Variants in DNM3 observed in about 807,000 individuals in gnomAD.
DNM3 encodes dynamin 3, also known as dynamin-3.
In DNM3, 47 loss-of-function variants were observed where a neutral mutation model predicts 101.6. The ratio of observed to expected loss-of-function variants is 0.46; its 90% CI spans 0.37 to 0.59. DNM3 has a LOEUF of 0.59. Ranked by LOEUF, DNM3 falls within the 20% of genes least tolerant of loss-of-function variation. The probability of loss-of-function intolerance (pLI) is 0.00; values close to 1 mark genes in which losing one functional copy is unlikely to be tolerated. For missense variants in DNM3, 849 were observed against 1,085.7 expected (o/e 0.78, Z 3.06); for synonymous variants, 385 against 387.9 (o/e 0.99, Z 0.09).
chr1:172,156,825 A>G (rs1445467960), intron 14 of DNM3, among the ~76,000 whole-genome samples: 1 of 152,082 alleles, frequency 6.6e-6, no homozygotes, highest in Non-Finnish European at 1.5e-5. Context: ...TGCAAAAGAC[A>G]TTGTCCTTTT....
chr1:172,319,383 C>G (rs567363036), intron 16 of DNM3, among the ~76,000 whole-genome samples: 61 of 152,270 alleles, frequency 4.0e-4, no homozygotes, highest in African/African-American at 1.4e-3. Context: ...CCAAAATTGA[C>G]AAATGAGATC....
chr1:171,860,479 G>A (rs971703365), intron 1 of DNM3, among the ~76,000 whole-genome samples: 1 of 152,062 alleles, frequency 6.6e-6, no homozygotes, highest in Non-Finnish European at 1.5e-5. Context: ...ATTATAAGTT[G>A]GAGAAATTGG....
rs200943471 is a variant in DNM3, at chr1:172,387,121, G to A, written c.2059-12G>A. ...TTATTCCCATTTTTATTTCTCTGTG[G>A]TGATCTGACAGGTTAAAGATTTCAT... On this transcript the variant is annotated splice_polypyrimidine_tract_variant and intron_variant, in intron 18 of 20. Coordinates refer to ENST00000627582, the MANE Select transcript of DNM3 (RefSeq NM_015569.5). The A allele has an allele frequency of 1.2e-5, 20 of 1,602,758 alleles. No individual in the cohort carries two copies. Among genetic ancestry groups the A allele is most frequent in the Admixed American group, 1.7e-5 (1 of 59,982 alleles).
intron 2 of DNM3, among the ~76,000 whole-genome samples, chr1:171,923,357 G>A (rs2040326986): frequency 6.6e-6 from 1 of 151,720 alleles, no homozygotes; most frequent in South Asian, 2.1e-4. Context: ...TTTTAAATTT[G>A]GTTATTTGCC....
chr1:171,894,996 C>G (rs1378772410), intron 1 of DNM3, among the ~76,000 whole-genome samples: 2 of 152,170 alleles, frequency 1.3e-5, no homozygotes. Flanking sequence ...CATAGTATTC[C>G]ATCGTGTATA....
At chr1:171,936,363 G>GAAAGAAAA (rs2041424272) in intron 2 of DNM3, among the ~76,000 whole-genome samples, 1 of 151,760 alleles carries the variant, frequency 6.6e-6, no homozygotes, top group Non-Finnish European at 1.5e-5. Context: ...AAAAAGAAAA[G>GAAAGAAAA]AAAGAAAGAA....
intron 2 of DNM3, among the ~76,000 whole-genome samples, chr1:171,964,328 C>T (rs1319882432): frequency 1.3e-5 from 2 of 152,098 alleles, no homozygotes; most frequent in Non-Finnish European, 2.9e-5. Context: ...TAATAAGAAC[C>T]TCGGCCTCTA....
chr1:171,906,127 A>AT (rs767499060), intron 1 of DNM3, among the ~76,000 whole-genome samples: 4,782 of 131,394 alleles, frequency 0.036, 149 homozygotes, highest in African/African-American at 0.079. Flanking sequence ...GTTCAATTGC[A>AT]TTTTTTTTTT....
At chr1:171,881,886 G>A (rs955230044) in intron 1 of DNM3, among the ~76,000 whole-genome samples, 21 of 152,182 alleles carry the variant, frequency 1.4e-4, no homozygotes, top group African/African-American at 4.3e-4. Flanking sequence ...GCGTGAAAAC[G>A]TTGCATAACA....
intron 17 of DNM3, among the ~76,000 whole-genome samples, chr1:172,342,343 A>G (rs2066726996): frequency 6.6e-6 from 1 of 152,200 alleles, no homozygotes; most frequent in South Asian, 2.1e-4. Flanking sequence ...GATAGCAAAG[A>G]TATGGAATTA....
chr1:172,345,204 G>A (rs190078983), intron 17 of DNM3, among the ~76,000 whole-genome samples: 4 of 152,308 alleles, frequency 2.6e-5, no homozygotes, highest in African/African-American at 9.6e-5. Flanking sequence ...ACAGTTAGTT[G>A]AGAGTTTCTG....
intron 13 of DNM3, among the ~76,000 whole-genome samples, chr1:172,120,666 C>G (rs958528565): frequency 6.6e-6 from 1 of 152,210 alleles, no homozygotes; most frequent in Admixed American, 6.5e-5. Flanking sequence ...GATTTCAGCT[C>G]AAGTGCTGAA....
chr1:172,192,039 C>T (rs954775289), intron 14 of DNM3, among the ~76,000 whole-genome samples: 5 of 152,038 alleles, frequency 3.3e-5, no homozygotes, highest in Non-Finnish European at 5.9e-5. Context: ...ATCTTGAATA[C>T]GAGTGGTGAG....
At chr1:172,214,260 A>C (rs1425629094) in intron 14 of DNM3, among the ~76,000 whole-genome samples, 1 of 152,110 alleles carries the variant, frequency 6.6e-6, no homozygotes, top group Non-Finnish European at 1.5e-5. Context: ...CTGGCTGGGC[A>C]ATATATTGTC....
chr1:171,974,584 G>C (rs766409525), intron 2 of DNM3, among the ~76,000 whole-genome samples: 1 of 152,072 alleles, frequency 6.6e-6, no homozygotes, highest in Non-Finnish European at 1.5e-5. Context: ...TTTTGGATCC[G>C]AACTTTAGTT....
intron 20 of DNM3, among the ~76,000 whole-genome samples, chr1:172,401,128 A>T (rs1227193244): frequency 6.6e-6 from 1 of 152,252 alleles, no homozygotes; most frequent in African/African-American, 2.4e-5. Context: ...GGATGAAGGA[A>T]TATAAAATGA....
At chr1:172,341,440 C>T (rs1469187321) in intron 17 of DNM3, among the ~76,000 whole-genome samples, 1 of 151,954 alleles carries the variant, frequency 6.6e-6, no homozygotes, top group Non-Finnish European at 1.5e-5. Context: ...CCATCCTAAG[C>T]AAAAAGAATA....
chr1:172,011,540 G>T (rs2047125209), intron 4 of DNM3, among the ~76,000 whole-genome samples: 1 of 151,930 alleles, frequency 6.6e-6, no homozygotes, highest in Non-Finnish European at 1.5e-5. Flanking sequence ...TTACCTCCAA[G>T]CAGAAAGTGA....
At chr1:172,387,428 C>T (rs1000260028) in intron 19 of DNM3, 69 bp downstream of exon 19, 49 of 1,330,992 alleles carry the variant, frequency 3.7e-5, no homozygotes, top group African/African-American at 2.3e-4. Flanking sequence ...GAGGCCGAGG[C>T]GGGCGGATCA....
Sources: gnomAD v4.1 joint callset for allele counts (sites outside exome capture counted in the v4.1 genomes callset) on GRCh38, gnomAD v4.1.1 for gene constraint, MANE v1.5 for transcripts, NCBI Gene and HGNC (gene_info 2026-07-23, HGNC 2026-07-21) for gene names.